The following R3HDM2 variants were observed in gnomAD, a reference collection of about 807,000 sequenced individuals.
The protein encoded by R3HDM2 is R3H domain containing 2, also known as R3H domain-containing protein 2.
In R3HDM2, 38 loss-of-function variants were observed where a neutral mutation model predicts 124.5. The observed-to-expected ratio is 0.31, with a 90% CI of 0.24 to 0.40. The LOEUF is 0.40. R3HDM2 is among the 10% of genes least tolerant of loss of function. The pLI is 1.00. For synonymous variants in R3HDM2, 391 were observed against 448.0 expected (o/e 0.87, Z 1.61); for missense variants, 869 against 1,236.9 (o/e 0.70, Z 4.46).
At chr12:57,413,135 AGAGT>A (rs914163722) in intron 1 of R3HDM2, among the ~76,000 whole-genome samples, 16 of 152,250 alleles carry the variant, frequency 1.1e-4, no homozygotes, top group African/African-American at 3.6e-4. Context: ...CCTGGACAAC[AGAGT>A]GAGACTCTGT....
chr12:57,264,383 C>T (rs1315811339), intron 19 of R3HDM2, among the ~76,000 whole-genome samples: 2 of 138,254 alleles, frequency 1.4e-5, no homozygotes, highest in African/African-American at 5.3e-5. Flanking sequence ...TGATGAAACC[C>T]TGCCTCTACT....
At chr12:57,319,789 A>C (rs1593216990) in intron 2 of R3HDM2, among the ~76,000 whole-genome samples, 1 of 152,156 alleles carries the variant, frequency 6.6e-6, no homozygotes, top group East Asian at 1.9e-4. Context: ...TGGAAGATAA[A>C]CTAAGCATAA....
rs1384482538 is a variant in R3HDM2, at chr12:57,268,377, C to T, written c.1956G>A (p.Val652=). 6 of 1,613,974 alleles carry T rather than the reference C, an allele frequency of 3.7e-6. No homozygotes were observed. Among genetic ancestry groups the T allele is most frequent in the East Asian group, 2.2e-5 (1 of 44,886 alleles). Residue 652 remains valine, a synonymous_variant, in exon 18 of 24, where the codon GTG becomes GTA. Transcript: ENST00000402412. ...CCCCCGCTGCTGGGAGGCCTCCTTG[C>T]ACAGACTGGCTCACAGGGACCAGCA... The part of the protein sequence containing the change: ...QPMLVPVSQS[V]QGGLPAAGVP...
chr12:57,386,469 TGCTCGACTTCTTGCCGG>T (rs1224109632), intron 2 of R3HDM2, among the ~76,000 whole-genome samples: 2 of 152,238 alleles, frequency 1.3e-5, no homozygotes, highest in Non-Finnish European at 2.9e-5. Flanking sequence ...GCAGCTGCTG[TGCTCGACTTCTTGCCGG>T]GCCTTAGCTG....
chr12:57,392,950 A>G (rs1594395213), intron 2 of R3HDM2, among the ~76,000 whole-genome samples: 1 of 151,286 alleles, frequency 6.6e-6, no homozygotes, highest in African/African-American at 2.4e-5. Flanking sequence ...GACTACAGGC[A>G]CCTGCCACCA....
chr12:57,332,926 T>C (rs2058386296), intron 2 of R3HDM2, among the ~76,000 whole-genome samples: 1 of 152,234 alleles, frequency 6.6e-6, no homozygotes, highest in African/African-American at 2.4e-5. Context: ...TTCAATCCTT[T>C]AGCTCTGTAA....
At chr12:57,423,601 C>T (rs996892125) in intron 1 of R3HDM2, among the ~76,000 whole-genome samples, 2 of 151,638 alleles carry the variant, frequency 1.3e-5, no homozygotes, top group Admixed American at 6.6e-5. Context: ...TGTCTGAGCC[C>T]GGGAGTTTGA....
At chr12:57,396,447 A>C (rs1217039774) in intron 1 of R3HDM2, among the ~76,000 whole-genome samples, 1 of 151,106 alleles carries the variant, frequency 6.6e-6, no homozygotes, top group African/African-American at 2.4e-5. Flanking sequence ...TCTCAAAAAA[A>C]TAAATAAATA....
intron 2 of R3HDM2, among the ~76,000 whole-genome samples, chr12:57,375,210 C>T (rs1215376058): frequency 6.6e-6 from 1 of 152,072 alleles, no homozygotes; most frequent in East Asian, 1.9e-4. Context: ...ATACACCTCT[C>T]TTCATAAGTC....
chr12:57,352,401 G>A (rs893351350), intron 2 of R3HDM2, among the ~76,000 whole-genome samples: 2 of 151,560 alleles, frequency 1.3e-5, no homozygotes, highest in Non-Finnish European at 1.5e-5. Flanking sequence ...CCCCCATGTC[G>A]ATCTTTAAAT....
intron 2 of R3HDM2, among the ~76,000 whole-genome samples, chr12:57,319,875 A>C (rs7975347): frequency 0.44 from 67,348 of 151,404 alleles, 15,460 homozygotes; most frequent in South Asian, 0.52. Flanking sequence ...CAGTCCTTTC[A>C]GCCAATGCAG....
At chr12:57,306,307 G>C (rs1157365190) in intron 3 of R3HDM2, among the ~76,000 whole-genome samples, 2 of 152,132 alleles carry the variant, frequency 1.3e-5, no homozygotes, top group African/African-American at 4.8e-5. Flanking sequence ...AACACAGGCA[G>C]TTCTTTATTT....
intron 2 of R3HDM2, among the ~76,000 whole-genome samples, chr12:57,324,956 G>C (rs1191064582): frequency 6.6e-6 from 1 of 152,122 alleles, no homozygotes; most frequent in Non-Finnish European, 1.5e-5. Flanking sequence ...AGGAAATTTG[G>C]ACACAGAAGT....
chr12:57,259,112 T>C, intron 19 of R3HDM2, 53 bp from the exon 20 acceptor site: 1 of 1,578,836 alleles, frequency 6.3e-7, no homozygotes, highest in Non-Finnish European at 8.6e-7. Flanking sequence ...TATTTTTGCC[T>C]TCCAACTAGC....
intron 14 of R3HDM2, among the ~76,000 whole-genome samples, chr12:57,274,825 A>C (rs550938477): frequency 2.0e-5 from 3 of 152,236 alleles, no homozygotes; most frequent in Non-Finnish European, 4.4e-5. Context: ...AGATGATACA[A>C]ACAGATGGAA....
intron 2 of R3HDM2, among the ~76,000 whole-genome samples, chr12:57,366,486 T>C (rs1255753593): frequency 6.6e-6 from 1 of 152,234 alleles, no homozygotes; most frequent in Non-Finnish European, 1.5e-5. Flanking sequence ...GTCATTTTTA[T>C]ATTTTCCATG....
intron 2 of R3HDM2, among the ~76,000 whole-genome samples, chr12:57,374,454 T>A (rs1200294205): frequency 1.6e-5 from 2 of 126,464 alleles, no homozygotes; most frequent in African/African-American, 3.0e-5. Flanking sequence ...CTTTGGGAGG[T>A]CAAGGCAGCC....
intron 2 of R3HDM2, among the ~76,000 whole-genome samples, chr12:57,358,142 C>A (rs2061500988): frequency 9.7e-5 from 1 of 10,282 alleles, no homozygotes; most frequent in Admixed American, 1.6e-3. Context: ...CTACGCCCAG[C>A]TAATTTTTTT....
chr12:57,283,862 C>A lies in R3HDM2; in HGVS notation c.1133G>T (p.Ser378Ile). Residue 378 changes from serine to isoleucine, a missense_variant, in exon 13 of 24, where the codon AGC (serine) becomes ATC (isoleucine). Ser to Ile is a moderately radical substitution (Grantham distance 142). Around this residue, in one of 2 missense-constraint regions of R3HDM2, gnomAD observed 602 missense variants for 789.2 expected, o/e 0.76. Coordinates refer to ENST00000402412, the MANE Select transcript of R3HDM2 (RefSeq NM_001394031.1). ...CCTTCCCGCACTGCCGCCTTTACTGCTGCCGATGCTGTCACCTCGGGTAAG... is the reference window on the plus strand; with the variant it reads ...CCTTCCCGCACTGCCGCCTTTACTGATGCCGATGCTGTCACCTCGGGTAAG... ...SILTRGDSIGSSKGGSAGRIS... is the reference protein window; with the variant it reads ...SILTRGDSIGISKGGSAGRIS... The A allele has an allele frequency of 1.2e-6, 2 of 1,614,224 alleles. No homozygotes were observed. The highest frequency in any genetic ancestry group is 1.7e-6 in the Non-Finnish European group (2 of 1,180,036).
Sources: gnomAD v4.1 joint callset for allele counts (sites outside exome capture counted in the v4.1 genomes callset) on GRCh38, gnomAD v4.1.1 for gene constraint, gnomAD v4.1.1 regional missense constraint, MANE v1.5 for transcripts, NCBI Gene and HGNC (gene_info 2026-07-23, HGNC 2026-07-21) for gene names.